SLCO3A1: variants seen among roughly 807,000 people sequenced by gnomAD.
The protein encoded by SLCO3A1 is solute carrier organic anion transporter family member 3A1.
SLCO3A1 carries 27 observed loss-of-function variants against 63.1 expected under a neutral mutation model. The ratio of observed to expected loss-of-function variants is 0.43; its 90% CI spans 0.32 to 0.59. SLCO3A1 has a LOEUF of 0.59. Ranked by LOEUF, SLCO3A1 falls within the 20% of genes least tolerant of loss-of-function variation. The pLI is 0.09. For missense variants in SLCO3A1, 773 were observed against 945.8 expected, an observed-to-expected ratio of 0.82 and a Z score of 2.40; for synonymous variants, 473 against 409.9, an observed-to-expected ratio of 1.15 and a Z score of -1.86.
rs944810309 is a variant in SLCO3A1 at position 92,164,799 on chromosome 15, G to A, written c.*1664G>A. 107 of 985,342 alleles carry A rather than the reference G, an allele frequency of 1.1e-4. No homozygotes were observed. In the Admixed American group the frequency reaches 4.5e-3, roughly 42 times the overall value. The allele number at this position is 985,342 out of a possible 1,614,324, so 61.0% of individuals were successfully genotyped here. A position where few individuals can be genotyped will look rare whatever the true frequency, so the allele number is the denominator to read the frequency against. Reference sequence around the variant, plus strand: ...TAAGAATCACGTTGGAAAACCTCTCGCAACCAGCACACTAGGCCTTCTACG... The same window carrying A: ...TAAGAATCACGTTGGAAAACCTCTCACAACCAGCACACTAGGCCTTCTACG... On this transcript the variant is annotated 3_prime_UTR_variant, in exon 10 of 10. Transcript: ENST00000318445.
chr15:91,991,570 G>GT (rs2151444554), intron 2 of SLCO3A1, among the ~76,000 whole-genome samples: 1 of 152,242 alleles, frequency 6.6e-6, no homozygotes, highest in South Asian at 2.1e-4. Flanking sequence ...AAATTTTCTA[G>GT]TAGCCATGTT....
Position 91,872,303 on chromosome 15 carries a change from C to T in SLCO3A1, c.180+18215C>T, listed in dbSNP as rs1375790227. On this transcript the variant is annotated intron_variant, in intron 1 of 9. Transcript: ENST00000318445. The surrounding 1 kb of genome is among the most constrained non-coding windows in gnomAD (Gnocchi z 4.1). ...ATCCCAGCACTTTGGGAAGCCAGTG[C>T]GGGCAGATCACGAGGTCAGGAGTTC... Among the ~76,000 whole-genome samples, 2 of 152,076 alleles carry T rather than the reference C, an allele frequency of 1.3e-5. No individual in the cohort carries two copies. The highest frequency in any genetic ancestry group is 2.1e-4 in the South Asian group (1 of 4,826).
At chr15:91,921,751 A>G (rs368860794) in intron 2 of SLCO3A1, among the ~76,000 whole-genome samples, 1 of 149,512 alleles carries the variant, frequency 6.7e-6, no homozygotes, top group Non-Finnish European at 1.5e-5. Flanking sequence ...CTTTTTTGAC[A>G]TGAAGTCTCA....
Position 91,875,192 on chromosome 15 carries a change from G to C in SLCO3A1, c.180+21104G>C, listed in dbSNP as rs975762917. On this transcript the variant is annotated intron_variant, in intron 1 of 9. Transcript: ENST00000318445. The surrounding 1 kb of genome is among the most constrained non-coding windows in gnomAD (Gnocchi z 4.5). ...CTCTACCATTTACTGAGCATCCGCT[G>C]TGTGTACCTGACACATGTCATCTCA... is the stretch of plus-strand genomic sequence containing the variant. Among the ~76,000 whole-genome samples, 2 of 152,224 alleles carry C rather than the reference G, an allele frequency of 1.3e-5. No individual in the cohort carries two copies. Among genetic ancestry groups the C allele is most frequent in the African/African-American group, 2.4e-5 (1 of 41,444 alleles).
In SLCO3A1 at chr15:92,025,047, A is replaced by T. The variant is rs190153059; in HGVS notation, c.647-69834A>T. Among the ~76,000 whole-genome samples, 361 of 152,020 alleles carry T rather than the reference A, an allele frequency of 2.4e-3. 3 individuals carry two copies. The highest frequency in any genetic ancestry group is 4.0e-3 in the Non-Finnish European group (272 of 67,986). ...CATCTGTCTATCCATCCATGCATCT[A>T]TCCATCTATCCATCCTTCCATCCTC... On this transcript the variant is annotated intron_variant, in intron 2 of 9. Coordinates refer to ENST00000318445, the MANE Select transcript of SLCO3A1 (RefSeq NM_013272.4).
chr15:92,139,356 T>G lies in SLCO3A1; in HGVS notation c.1513-7628T>G, dbSNP rs577586909. 5.0e-4 allele frequency among the ~76,000 whole-genome samples: 76 copies of G among 151,768 alleles called. 1 individual carries two copies. In the Middle Eastern group the frequency reaches 0.01, roughly 21 times the overall value. ...TGATCATGGTGGATAAGCTTTTTGA[T>G]GTGCTGCTGGATTCGTTTTGCCAGT... On this transcript the variant is annotated intron_variant, in intron 7 of 9. Coordinates refer to ENST00000318445, the MANE Select transcript of SLCO3A1 (RefSeq NM_013272.4).
At chr15:91,975,081 G>A (rs1038304510) in intron 2 of SLCO3A1, among the ~76,000 whole-genome samples, 4 of 152,156 alleles carry the variant, frequency 2.6e-5, no homozygotes, top group South Asian at 2.1e-4. Context: ...ATGATTTAGT[G>A]CAAATAAAGT....
chr15:91,880,391 C>G (rs1484844878), intron 1 of SLCO3A1, among the ~76,000 whole-genome samples: 1,679 of 74,420 alleles, frequency 0.023, 40 homozygotes, highest in African/African-American at 0.093. Context: ...TTCTCTCTCT[C>G]TCTCTCTCTC....
At chr15:92,070,167 G>A (rs573337608) in intron 2 of SLCO3A1, among the ~76,000 whole-genome samples, 5 of 152,196 alleles carry the variant, frequency 3.3e-5, no homozygotes, top group African/African-American at 1.2e-4. Context: ...TGAGCATCTC[G>A]AAGTTTCCTG....
chr15:91,943,084 A>C (rs1899679118), intron 2 of SLCO3A1, among the ~76,000 whole-genome samples: 1 of 152,212 alleles, frequency 6.6e-6, no homozygotes, highest in Non-Finnish European at 1.5e-5. Context: ...ATTTTATAGA[A>C]ATTGATGGTA....
chr15:91,878,029 C>G (rs528309339), intron 1 of SLCO3A1, among the ~76,000 whole-genome samples: 128 of 149,998 alleles, frequency 8.5e-4, no homozygotes, highest in South Asian at 2.1e-3. Flanking sequence ...GAGGCAAGAT[C>G]TGGTATCCCA....
chr15:91,991,147 A>G (rs1486880680), intron 2 of SLCO3A1, among the ~76,000 whole-genome samples: 7 of 152,090 alleles, frequency 4.6e-5, no homozygotes, highest in Non-Finnish European at 7.4e-5. Flanking sequence ...AGGTGGGAGG[A>G]TTGTTTGAGC....
chr15:92,127,075 T>A (rs139416752), intron 6 of SLCO3A1, among the ~76,000 whole-genome samples: 1 of 152,034 alleles, frequency 6.6e-6, no homozygotes, highest in African/African-American at 2.4e-5. Flanking sequence ...GCAGGCAGAG[T>A]GGGAGAGCAG....
At chr15:92,043,080 G>A (rs1013279043) in intron 2 of SLCO3A1, among the ~76,000 whole-genome samples, 2 of 152,100 alleles carry the variant, frequency 1.3e-5, no homozygotes, top group African/African-American at 4.8e-5. Context: ...GATCTGCCAA[G>A]AGTCATTTGG....
At chr15:92,053,303 T>A (rs992751837) in intron 2 of SLCO3A1, among the ~76,000 whole-genome samples, 1 of 152,138 alleles carries the variant, frequency 6.6e-6, no homozygotes, top group Non-Finnish European at 1.5e-5. Flanking sequence ...CACTTTTTAT[T>A]TGACAATAGA....
intron 2 of SLCO3A1, among the ~76,000 whole-genome samples, chr15:91,994,334 T>G (rs2046164296): frequency 6.6e-6 from 1 of 152,222 alleles, no homozygotes; most frequent in Non-Finnish European, 1.5e-5. Flanking sequence ...GTCTTTTTTT[T>G]TGTAAAAATG....
chr15:91,952,819 G>C (rs1479227551), intron 2 of SLCO3A1, among the ~76,000 whole-genome samples: 1 of 152,118 alleles, frequency 6.6e-6, no homozygotes, highest in Non-Finnish European at 1.5e-5. Flanking sequence ...CCTGCCCCTA[G>C]TGCCACTCTG....
chr15:92,079,170 G>A (rs561388927), intron 2 of SLCO3A1, among the ~76,000 whole-genome samples: 7 of 152,132 alleles, frequency 4.6e-5, no homozygotes, highest in Admixed American at 3.9e-4. Flanking sequence ...ACATCTGGGG[G>A]CCCTGGGATG....
intron 1 of SLCO3A1, among the ~76,000 whole-genome samples, chr15:91,913,400 C>T (rs1326301198): frequency 1.3e-5 from 2 of 152,220 alleles, no homozygotes; most frequent in African/African-American, 2.4e-5. Context: ...GCTTTGAAAG[C>T]GTCCTAGGGC....
Sources: allele counts gnomAD v4.1 joint callset (sites outside exome capture counted in the v4.1 genomes callset), GRCh38; gene constraint gnomAD v4.1.1; non-coding constraint Gnocchi (gnomAD v3.1); transcripts MANE v1.5; gene names NCBI Gene and HGNC (gene_info 2026-07-23, HGNC 2026-07-21).